Variants in ZMYM2 observed in about 807,000 individuals in gnomAD.
ZMYM2 encodes zinc finger MYM-type protein 2.
Under a neutral mutation model 162.8 loss-of-function variants are expected in ZMYM2, and 56 were observed. The ratio of observed to expected loss-of-function variants is 0.34; its 90% CI spans 0.28 to 0.43. The LOEUF is 0.43. Ranked by LOEUF, ZMYM2 falls within the 20% of genes least tolerant of loss-of-function variation. The pLI is 1.00. For missense variants in ZMYM2, 1,275 were observed against 1,621.8 expected (o/e 0.79, Z 3.67); for synonymous variants, 510 against 541.6 (o/e 0.94, Z 0.81).
the ZMYM2 span, among the ~76,000 whole-genome samples, chr13:19,919,934 A>G: frequency 1.3e-5 from 2 of 151,938 alleles, no homozygotes; most frequent in African/African-American, 2.4e-5. Context: ...CAGCCTCCCA[A>G]AGTGCTGGGA....
At chr13:19,992,078 G>A (rs1423027854) in intron 2 of ZMYM2, among the ~76,000 whole-genome samples, 2 of 152,126 alleles carry the variant, frequency 1.3e-5, no homozygotes, top group Non-Finnish European at 2.9e-5. Flanking sequence ...CCAGGAATGG[G>A]GACCTGATAT....
At chr13:19,971,931 T>G (rs1956370725) in intron 2 of ZMYM2, among the ~76,000 whole-genome samples, 1 of 152,066 alleles carries the variant, frequency 6.6e-6, no homozygotes, top group African/African-American at 2.4e-5. Context: ...TTGATTGAGA[T>G]AAATTAAGGA....
intron 7 of ZMYM2, among the ~76,000 whole-genome samples, chr13:20,021,917 ACT>A (rs1467581640): frequency 1.3e-5 from 2 of 151,952 alleles, no homozygotes; most frequent in Admixed American, 1.3e-4. Context: ...CATCATCAGT[ACT>A]CTGTTTCCCA....
intron 17 of ZMYM2, 102 bp downstream of exon 17, chr13:20,061,326 T>C (rs867353632): frequency 3.8e-5 from 49 of 1,302,652 alleles, no homozygotes; most frequent in Admixed American, 1.3e-4. Context: ...TTTCAACTTA[T>C]GTGGGGGTGA....
intron 2 of ZMYM2, among the ~76,000 whole-genome samples, chr13:19,962,265 T>G (rs1247824313): frequency 1.3e-5 from 2 of 152,040 alleles, no homozygotes; most frequent in East Asian, 3.9e-4. Context: ...TTAATGCATT[T>G]GAGACAAAGT....
At chr13:20,015,339 T>G (rs554518436) in intron 6 of ZMYM2, among the ~76,000 whole-genome samples, 4 of 152,352 alleles carry the variant, frequency 2.6e-5, no homozygotes, top group Middle Eastern at 3.4e-3. Context: ...GATTTCAGTC[T>G]TCAAAAATTT....
At chr13:20,067,163 A>G in intron 20 of ZMYM2, 76 bp from the exon 21 acceptor site, 1 of 1,414,418 alleles carries the variant, frequency 7.1e-7, no homozygotes, top group Non-Finnish European at 9.4e-7. Flanking sequence ...TCTTACAAAG[A>G]ATAACGTCAG....
chr13:19,962,515 A>ATATATATATATAT (rs1371972440), intron 2 of ZMYM2, among the ~76,000 whole-genome samples: 1 of 38,916 alleles, frequency 2.6e-5, no homozygotes, highest in African/African-American at 6.4e-5. Flanking sequence ...ATATATATAT[A>ATATATATATATAT]TTTTTTTTTT....
Position 19,993,556 on chromosome 13 carries a change from A to G in ZMYM2, c.484A>G (p.Arg162Gly). The change falls in exon 3 of 25, where the codon AGA (arginine) becomes GGA (glycine). Residue 162 changes from arginine to glycine, a missense_variant. Arg to Gly is a moderately radical substitution (Grantham distance 125). This residue lies in a region of ZMYM2 where 295 missense variants were observed against 286.7 expected (regional missense o/e 1.03). Transcript: ENST00000610343. ...GGATTTCTCCACTTCCAGTTTTTCA[A>G]GAAGTAAGGTAAATGCAGGAATGGG... ...DVDFSTSSFS[R>G]SKVNAGMGNS... 6.2e-7 allele frequency: 1 copy of G among 1,614,000 alleles called. No homozygotes were observed. The highest frequency in any genetic ancestry group is 1.1e-5 in the South Asian group (1 of 91,044).
Position 19,993,937 on chromosome 13 carries a change from C to G in ZMYM2, c.847+18C>G. On this transcript the variant is annotated intron_variant, in intron 3 of 24. Transcript: ENST00000610343. The stretch of plus-strand genomic sequence containing the variant: ...TAATCCTGGTAAGCAGTAAGAGATA[C>G]TCTACTTCATGTAAATGAATTTAAA... The G allele has an allele frequency of 1.3e-6, 2 of 1,586,170 alleles. No individual in the cohort carries two copies. The highest frequency in any genetic ancestry group is 1.7e-6 in the Non-Finnish European group (2 of 1,170,946).
chr13:19,868,617 ATATGT>A, the ZMYM2 span, among the ~76,000 whole-genome samples: 1 of 152,200 alleles, frequency 6.6e-6, no homozygotes, highest in Non-Finnish European at 1.5e-5. Context: ...CTAGGAATGA[ATATGT>A]TATATTAGCA....
intron 17 of ZMYM2, 146 bp downstream of exon 17, chr13:20,061,370 A>ATCC: frequency 1.5e-6 from 1 of 651,282 alleles, no homozygotes; most frequent in South Asian, 3.0e-5. Flanking sequence ...TTTTTATATT[A>ATCC]AGAGATCTAC....
At chr13:19,890,048 G>A in the ZMYM2 span, among the ~76,000 whole-genome samples, 115,254 of 151,786 alleles carry the variant, frequency 0.76, 47,409 homozygotes, top group East Asian at 0.92. Flanking sequence ...TCATAAAAGG[G>A]CATGTTAGAT....
intron 2 of ZMYM2, among the ~76,000 whole-genome samples, chr13:19,980,314 A>G (rs1957200175): frequency 6.6e-6 from 1 of 152,058 alleles, no homozygotes. Context: ...ATTTCATTGT[A>G]TACTAAATTC....
chr13:19,965,826 T>C (rs1240817265), intron 2 of ZMYM2, among the ~76,000 whole-genome samples: 1 of 140,670 alleles, frequency 7.1e-6, no homozygotes, highest in Non-Finnish European at 1.5e-5. Flanking sequence ...TAGACCAGAG[T>C]GCAATGGCAT....
intron 15 of ZMYM2, 101 bp from the exon 16 acceptor site, chr13:20,059,346 C>G: frequency 3.3e-6 from 4 of 1,204,470 alleles, no homozygotes; most frequent in Non-Finnish European, 4.5e-6. Context: ...AAAAAAGGTA[C>G]TGAGGTAGTT....
chr13:19,919,432 C>A, the ZMYM2 span, among the ~76,000 whole-genome samples: 175 of 152,178 alleles, frequency 1.1e-3, no homozygotes, highest in Non-Finnish European at 2.0e-3. Context: ...AACTATTTTC[C>A]AGAGTGGCTG....
intron 2 of ZMYM2, among the ~76,000 whole-genome samples, chr13:19,965,893 C>T (rs191815729): frequency 1.3e-5 from 2 of 150,586 alleles, no homozygotes; most frequent in Admixed American, 6.7e-5. Context: ...AATTCTCCTG[C>T]CTCAGCCTCC....
Position 20,073,643 on chromosome 13 carries a change from C to T in ZMYM2, c.3453+6253C>T, listed in dbSNP as rs538099266. 5.9e-5 allele frequency among the ~76,000 whole-genome samples: 9 copies of T among 152,180 alleles called. No homozygotes were observed. In the South Asian group the frequency reaches 1.9e-3, roughly 32 times the overall value. ...CTCTAAAACTAGTTTACTTACATCA[C>T]GAATTTTTATATGTTGTGTTTTAAT... is the stretch of plus-strand genomic sequence containing the variant. On this transcript the variant is annotated intron_variant, in intron 21 of 24. Transcript: ENST00000610343.
Sources: allele counts gnomAD v4.1 joint callset (sites outside exome capture counted in the v4.1 genomes callset), GRCh38; gene constraint gnomAD v4.1.1; regional missense constraint gnomAD v4.1.1; transcripts MANE v1.5; gene names NCBI Gene and HGNC (gene_info 2026-07-23, HGNC 2026-07-21).